Variants in ZNF385D observed in about 807,000 individuals in gnomAD.
ZNF385D encodes the protein zinc finger protein 385D.
In ZNF385D, 15 loss-of-function variants were observed where a neutral mutation model predicts 35.8. That is an observed-to-expected ratio of 0.42 (90% CI 0.28 to 0.64). The LOEUF (loss-of-function observed/expected upper bound fraction) is 0.64, where lower values mean the gene tolerates loss of function less well. Ranked by LOEUF, ZNF385D falls within the 30% of genes least tolerant of loss-of-function variation. The pLI, the probability that ZNF385D is intolerant of heterozygous loss-of-function variation, is 0.23. For synonymous variants in ZNF385D, 212 were observed against 186.8 expected, an observed-to-expected ratio of 1.13 and a Z score of -1.10; for missense variants, 474 against 494.6, an observed-to-expected ratio of 0.96 and a Z score of 0.39.
intron 1 of ZNF385D, among the ~76,000 whole-genome samples, chr3:21,715,586 T>C (rs945257437): frequency 6.6e-6 from 1 of 150,972 alleles, no homozygotes; most frequent in Admixed American, 6.6e-5. Flanking sequence ...TTTTTAAATA[T>C]ATTGATTTTT....
At position 21,489,244 on chromosome 3, in the gene ZNF385D, A is replaced by G. The variant is rs141999860; in HGVS notation, c.439+21617T>C. ...AGTCTACACGGTCCAGGAAGCCCCA[A>G]AGAAAGACTGGAGATAGAACTCAAG... On this transcript the variant is annotated intron_variant, in intron 4 of 7. Transcript: ENST00000281523. Among the ~76,000 whole-genome samples, 767 of 152,230 alleles carry G rather than the reference A, an allele frequency of 5.0e-3. 8 individuals carry two copies. Among genetic ancestry groups the G allele is most frequent in the African/African-American group, 0.016 (680 of 41,542 alleles).
intron 2 of ZNF385D, among the ~76,000 whole-genome samples, chr3:22,369,999 C>T (rs116139340): frequency 0.011 from 1,696 of 152,254 alleles, 27 homozygotes; most frequent in South Asian, 0.044. Flanking sequence ...ATCTAATCTT[C>T]GTTACTATAG....
At chr3:22,061,730 C>T (rs529153009) in intron 3 of ZNF385D, among the ~76,000 whole-genome samples, 1 of 152,186 alleles carries the variant, frequency 6.6e-6, no homozygotes, top group East Asian at 1.9e-4. Context: ...ATATGTCTTT[C>T]CTTCCTCTCC....
intron 2 of ZNF385D, among the ~76,000 whole-genome samples, chr3:22,324,391 G>C (rs1694580546): frequency 6.6e-6 from 1 of 152,110 alleles, no homozygotes; most frequent in Non-Finnish European, 1.5e-5. Flanking sequence ...GGGTCCATTT[G>C]TCAAATAAAT....
chr3:22,075,600 G>T (rs570612867), intron 3 of ZNF385D, among the ~76,000 whole-genome samples: 250 of 151,872 alleles, frequency 1.6e-3, no homozygotes, highest in Non-Finnish European at 2.7e-3. Context: ...TTGTAAGATT[G>T]TCCTTCTCTG....
chr3:21,817,523 C>T (rs186761494), intron 3 of ZNF385D, among the ~76,000 whole-genome samples: 1 of 152,272 alleles, frequency 6.6e-6, no homozygotes, highest in East Asian at 1.9e-4. Flanking sequence ...AGGATATGAA[C>T]AGACACTTCT....
intron 2 of ZNF385D, among the ~76,000 whole-genome samples, chr3:21,636,658 G>A (rs189767482): frequency 7.9e-5 from 12 of 151,632 alleles, no homozygotes; most frequent in African/African-American, 2.9e-4. Context: ...ATTAGATTGT[G>A]CCCACCCAGA....
chr3:21,756,165 T>G (rs1311292570), upstream of ZNF385D, among the ~76,000 whole-genome samples: 1 of 152,136 alleles, frequency 6.6e-6, no homozygotes, highest in Non-Finnish European at 1.5e-5. Flanking sequence ...TAGGAAGCCT[T>G]TGTAGTAATC....
chr3:22,132,510 G>A (rs1202821057), intron 3 of ZNF385D, among the ~76,000 whole-genome samples: 1 of 152,052 alleles, frequency 6.6e-6, no homozygotes, highest in Non-Finnish European at 1.5e-5. Flanking sequence ...TAAGATATAG[G>A]TAAGTTTCAG....
At chr3:21,928,169 T>C (rs1700827994) in intron 3 of ZNF385D, among the ~76,000 whole-genome samples, 1 of 151,652 alleles carries the variant, frequency 6.6e-6, no homozygotes, top group Admixed American at 6.6e-5. Context: ...TATCTTCACA[T>C]GACTGCACTA....
At chr3:21,927,569 T>G (rs1441912551) in intron 3 of ZNF385D, among the ~76,000 whole-genome samples, 3 of 152,194 alleles carry the variant, frequency 2.0e-5, no homozygotes, top group African/African-American at 7.2e-5. Flanking sequence ...ATTTTTAAAG[T>G]TGAACTATAT....
chr3:21,840,564 A>T (rs928671977), intron 3 of ZNF385D, among the ~76,000 whole-genome samples: 1 of 96,394 alleles, frequency 1.0e-5, no homozygotes, highest in African/African-American at 4.9e-5. Context: ...AATTTTCAAG[A>T]AAAGTTTTGT....
intron 3 of ZNF385D, among the ~76,000 whole-genome samples, chr3:22,107,056 C>CTTTTTTT (rs1467865284): frequency 1.3e-4 from 14 of 104,306 alleles, no homozygotes; most frequent in South Asian, 6.9e-4. Context: ...CAGAGTTTTG[C>CTTTTTTT]TCTTGTTGCC....
intron 3 of ZNF385D, among the ~76,000 whole-genome samples, chr3:21,819,812 T>C (rs1441979085): frequency 6.8e-6 from 1 of 147,038 alleles, no homozygotes; most frequent in South Asian, 2.1e-4. Flanking sequence ...ATAAATATAA[T>C]ATACATAAAT....
intron 3 of ZNF385D, among the ~76,000 whole-genome samples, chr3:21,901,928 G>C (rs1699435776): frequency 6.6e-6 from 1 of 152,108 alleles, no homozygotes. Context: ...ACCATGTTTA[G>C]TTCCCTTGTT....
At chr3:22,136,767 G>C (rs1704150333) in intron 3 of ZNF385D, among the ~76,000 whole-genome samples, 1 of 152,024 alleles carries the variant, frequency 6.6e-6, no homozygotes, top group South Asian at 2.1e-4. Flanking sequence ...AAAAAGAAGA[G>C]AACTGTCAAG....
intron 2 of ZNF385D, among the ~76,000 whole-genome samples, chr3:22,315,170 AAAG>A (rs1703816742): frequency 6.6e-6 from 1 of 152,226 alleles, no homozygotes; most frequent in African/African-American, 2.4e-5. Context: ...GACTTCTGCA[AAAG>A]AAGAAATAGG....
intron 3 of ZNF385D, among the ~76,000 whole-genome samples, chr3:21,999,566 A>C (rs1375665547): frequency 2.0e-5 from 3 of 152,138 alleles, no homozygotes; most frequent in Non-Finnish European, 2.9e-5. Context: ...CTATGGTCAG[A>C]CTAGTTTTCA....
intron 4 of ZNF385D, among the ~76,000 whole-genome samples, chr3:21,446,487 C>CTTTTTTTTTTTTTTTTTTTTTTT (rs71044918): frequency 1.1e-5 from 1 of 91,874 alleles, no homozygotes; most frequent in Non-Finnish European, 2.0e-5. Flanking sequence ...AATCAATGAA[C>CTTTTTTTTTTTTTTTTTTTTTTT]TTTTTTTTTT....
Sources: allele counts gnomAD v4.1 joint callset (sites outside exome capture counted in the v4.1 genomes callset), GRCh38; gene constraint gnomAD v4.1.1; transcripts MANE v1.5; gene names NCBI Gene and HGNC (gene_info 2026-07-23, HGNC 2026-07-21).